NELL1: variants seen among roughly 807,000 people sequenced by gnomAD.
NELL1 encodes the protein protein kinase C-binding protein NELL1.
NELL1 carries 76 observed loss-of-function variants against 107.4 expected under a neutral mutation model. The observed-to-expected ratio is 0.71, with a 90% CI of 0.59 to 0.86. The LOEUF (loss-of-function observed/expected upper bound fraction) is 0.86, where lower values mean the gene tolerates loss of function less well. Among genes scored for constraint, NELL1 ranks in the 40% least tolerant of loss-of-function variants. The pLI, the probability that NELL1 is intolerant of heterozygous loss-of-function variation, is 0.00. For synonymous variants in NELL1, 353 were observed against 341.2 expected, an observed-to-expected ratio of 1.03 and a Z score of -0.38; for missense variants, 1,024 against 1,005.5, an observed-to-expected ratio of 1.02 and a Z score of -0.25.
chr11:21,402,469 A>G (rs960784388), intron 15 of NELL1, among the ~76,000 whole-genome samples: 2 of 151,812 alleles, frequency 1.3e-5, no homozygotes, highest in Non-Finnish European at 2.9e-5. Flanking sequence ...TCACAAATTT[A>G]TGCTGTGTCA....
At chr11:21,246,422 G>A (rs930850417) in intron 14 of NELL1, among the ~76,000 whole-genome samples, 1 of 152,128 alleles carries the variant, frequency 6.6e-6, no homozygotes, top group African/African-American at 2.4e-5. Context: ...AAAGGATACA[G>A]ACATTTCGAG....
intron 12 of NELL1, among the ~76,000 whole-genome samples, chr11:21,006,499 C>A (rs1852330275): frequency 6.6e-6 from 1 of 152,040 alleles, no homozygotes; most frequent in South Asian, 2.1e-4. Context: ...GACAGGATTT[C>A]TTCTGTATGT....
At chr11:20,990,066 T>C (rs1003883663) in intron 12 of NELL1, among the ~76,000 whole-genome samples, 1 of 152,138 alleles carries the variant, frequency 6.6e-6, no homozygotes, top group African/African-American at 2.4e-5. Context: ...AAGCTCTTTC[T>C]TTTTCCTCCT....
chr11:21,575,192 C>T lies in NELL1; in HGVS notation c.*170C>T, dbSNP rs1857193028. 1.6e-6 allele frequency: 1 copy of T among 613,722 alleles called. No individual in the cohort carries two copies. The highest frequency in any genetic ancestry group is 2.0e-5 in the South Asian group (1 of 51,276). The allele number at this position is 613,722 out of a possible 1,614,324, so 38.0% of individuals were successfully genotyped here. A position where few individuals can be genotyped will look rare whatever the true frequency, so the allele number is the denominator to read the frequency against. Reference sequence around the variant, plus strand: ...TTTGGAGGTTGCCTTTTGGACCTACCACTTTGCTCATTCTTGCTAACCTAG... The same window carrying T: ...TTTGGAGGTTGCCTTTTGGACCTACTACTTTGCTCATTCTTGCTAACCTAG... On this transcript the variant is annotated 3_prime_UTR_variant, in exon 20 of 20. Transcript: ENST00000357134.
chr11:21,500,424 G>T (rs192753699), intron 15 of NELL1, among the ~76,000 whole-genome samples: 2 of 151,986 alleles, frequency 1.3e-5, no homozygotes, highest in Admixed American at 6.6e-5. Context: ...TAATGATTAT[G>T]TACCTCCAGG....
chr11:20,733,985 C>A lies in NELL1; in HGVS notation c.185-49695C>A, dbSNP rs554709036. Among the ~76,000 whole-genome samples the A allele has an allele frequency of 3.3e-5, 5 of 152,112 alleles. No individual in the cohort carries two copies. The South Asian group carries it at 6.2e-4, about 19-fold the overall frequency. ...TAAAATAAAGGAAAGCAACAGAGTA[C>A]AGGTGATAGGGATGTTTTTAGATGA... On this transcript the variant is annotated intron_variant, in intron 2 of 19. Coordinates refer to ENST00000357134, the MANE Select transcript of NELL1 (RefSeq NM_006157.5).
At chr11:21,326,096 A>G (rs1316591310) in intron 14 of NELL1, among the ~76,000 whole-genome samples, 1 of 102,002 alleles carries the variant, frequency 9.8e-6, no homozygotes, top group Admixed American at 9.9e-5. Context: ...TATTTTGAGT[A>G]AAGCTTAAAT....
intron 14 of NELL1, among the ~76,000 whole-genome samples, chr11:21,268,941 G>A (rs1053394534): frequency 1.3e-5 from 2 of 152,080 alleles, no homozygotes; most frequent in Non-Finnish European, 2.9e-5. Flanking sequence ...AATGTAATCA[G>A]AGAGATGGAA....
intron 12 of NELL1, among the ~76,000 whole-genome samples, chr11:21,033,961 T>C (rs989737926): frequency 1.3e-5 from 2 of 152,170 alleles, no homozygotes; most frequent in African/African-American, 4.8e-5. Context: ...TATCTCATTG[T>C]GGTTTTGATT....
intron 5 of NELL1, among the ~76,000 whole-genome samples, chr11:20,909,111 A>G (rs1439439907): frequency 1.3e-5 from 2 of 152,214 alleles, no homozygotes; most frequent in African/African-American, 2.4e-5. Context: ...ACTTATATGA[A>G]ATATCAAAAA....
At chr11:20,913,082 C>T (rs995533092) in intron 5 of NELL1, among the ~76,000 whole-genome samples, 2 of 152,068 alleles carry the variant, frequency 1.3e-5, no homozygotes, top group Non-Finnish European at 2.9e-5. Flanking sequence ...GTCTTCAGGG[C>T]AGAAGTACAT....
chr11:20,706,108 C>T (rs1321858430), intron 2 of NELL1, among the ~76,000 whole-genome samples: 4 of 152,100 alleles, frequency 2.6e-5, no homozygotes, highest in South Asian at 2.1e-4. Flanking sequence ...GACAGTGTGG[C>T]GATTCCTCAA....
chr11:21,323,114 CAATG>C (rs1850051039), intron 14 of NELL1, among the ~76,000 whole-genome samples: 1 of 152,144 alleles, frequency 6.6e-6, no homozygotes, highest in Non-Finnish European at 1.5e-5. Flanking sequence ...CTGTACAAAA[CAATG>C]AAGTAGAGTA....
chr11:21,043,824 AG>A (rs1280285212), intron 12 of NELL1, among the ~76,000 whole-genome samples: 1 of 152,162 alleles, frequency 6.6e-6, no homozygotes, highest in Non-Finnish European at 1.5e-5. Flanking sequence ...GGGAGGAGTC[AG>A]GGATCACTCC....
chr11:21,227,283 C>T (rs548708477), intron 13 of NELL1, among the ~76,000 whole-genome samples: 1 of 152,220 alleles, frequency 6.6e-6, no homozygotes, highest in East Asian at 1.9e-4. Flanking sequence ...CTGGGTCATT[C>T]TGAGTTATGC....
intron 12 of NELL1, among the ~76,000 whole-genome samples, chr11:21,090,161 T>A (rs571698954): frequency 1.2e-3 from 189 of 152,270 alleles, no homozygotes; most frequent in African/African-American, 4.3e-3. Context: ...AGAAGAGGAA[T>A]GGTCAAAGAA....
chr11:21,275,938 A>G (rs1848846624), intron 14 of NELL1, among the ~76,000 whole-genome samples: 1 of 152,236 alleles, frequency 6.6e-6, no homozygotes, highest in African/African-American at 2.4e-5. Flanking sequence ...ATCCACAGCC[A>G]ATATCATACT....
intron 15 of NELL1, among the ~76,000 whole-genome samples, chr11:21,470,332 T>C (rs922957963): frequency 6.6e-6 from 1 of 152,104 alleles, no homozygotes; most frequent in Non-Finnish European, 1.5e-5. Flanking sequence ...AGTGTAACAT[T>C]TTAGGTTCTC....
At chr11:21,379,815 G>T (rs1335466594) in intron 15 of NELL1, among the ~76,000 whole-genome samples, 1 of 152,042 alleles carries the variant, frequency 6.6e-6, no homozygotes, top group Non-Finnish European at 1.5e-5. Context: ...TAAAAAGAAT[G>T]ATCAGAAACA....
Sources: gnomAD v4.1 joint callset for allele counts (sites outside exome capture counted in the v4.1 genomes callset) on GRCh38, gnomAD v4.1.1 for gene constraint, MANE v1.5 for transcripts, NCBI Gene and HGNC (gene_info 2026-07-23, HGNC 2026-07-21) for gene names.